RHBDF2: variants seen among roughly 807,000 people sequenced by gnomAD.
RHBDF2 encodes the protein rhomboid 5 homolog 2, also known as inactive rhomboid protein 2.
A neutral mutation model predicts 95.2 loss-of-function variants in RHBDF2; 38 were observed. The observed-to-expected ratio is 0.40, with a 90% CI of 0.31 to 0.52. RHBDF2 has a LOEUF of 0.52. RHBDF2 is among the 20% of genes least tolerant of loss of function. The probability of loss-of-function intolerance (pLI) is 0.56; values close to 1 mark genes in which losing one functional copy is unlikely to be tolerated. For synonymous variants in RHBDF2, 442 were observed against 462.0 expected, an observed-to-expected ratio of 0.96 and a Z score of 0.55; for missense variants, 863 against 1,137.7, an observed-to-expected ratio of 0.76 and a Z score of 3.47.
At chr17:76,498,343 TG>T (rs1486279567) in intron 1 of RHBDF2, among the ~76,000 whole-genome samples, 11 of 152,172 alleles carry the variant, frequency 7.2e-5, no homozygotes, top group African/African-American at 2.7e-4. Flanking sequence ...GAGCTCACTC[TG>T]GAAATCCCCT....
At chr17:76,480,477 C>G (rs1297228495) in intron 3 of RHBDF2, among the ~76,000 whole-genome samples, 1 of 151,842 alleles carries the variant, frequency 6.6e-6, no homozygotes, top group African/African-American at 2.4e-5. Flanking sequence ...CTCGACCTCC[C>G]AGGCTCAAGC....
chr17:76,471,741 C>A lies in RHBDF2; in HGVS notation c.2376G>T (p.Leu792=). 3.1e-6 allele frequency: 5 copies of A among 1,611,202 alleles called. No individual in the cohort carries two copies. The highest frequency in any genetic ancestry group is 3.4e-6 in the Non-Finnish European group (4 of 1,178,790). ...AGTTAATGGGGTAGATGTACAGCCA[C>A]AGCACGAGGGCGGCGAAGAGGCCGG... ...AFAGLFAALV[L]WLYIYPINWP... is the part of the protein sequence containing the mutation. Residue 792 remains leucine, a synonymous_variant, in exon 19 of 19, where the codon CTG becomes CTT. Transcript: ENST00000675367.
At chr17:76,496,137 G>A (rs1034179352) in intron 1 of RHBDF2, among the ~76,000 whole-genome samples, 1 of 152,190 alleles carries the variant, frequency 6.6e-6, no homozygotes, top group Non-Finnish European at 1.5e-5. Flanking sequence ...TGTGAGATGG[G>A]TTGATGCCCC....
chr17:76,481,302 T>C (rs1219558613), intron 3 of RHBDF2, 73 bp downstream of exon 3: 13 of 1,516,114 alleles, frequency 8.6e-6, no homozygotes, highest in African/African-American at 1.4e-5. Context: ...GAAGTGAAAC[T>C]GACCAGAAAG....
At chr17:76,477,550 G>T in intron 7 of RHBDF2, 107 bp downstream of exon 7, 1 of 1,286,634 alleles carries the variant, frequency 7.8e-7, no homozygotes, top group Non-Finnish European at 1.1e-6. Context: ...CCAGCAGTGG[G>T]CCTCTGGGTC....
intron 1 of RHBDF2, among the ~76,000 whole-genome samples, chr17:76,498,049 C>T (rs181226907): frequency 2.2e-4 from 33 of 152,284 alleles, no homozygotes; most frequent in South Asian, 2.1e-4. Flanking sequence ...AAGGAGGGGC[C>T]GTGGACACGG....
chr17:76,495,664 G>C (rs2144445739), intron 1 of RHBDF2, among the ~76,000 whole-genome samples: 1 of 152,264 alleles, frequency 6.6e-6, no homozygotes, highest in African/African-American at 2.4e-5. Flanking sequence ...GGCTGGGTGT[G>C]AGCATGCAGA....
At position 76,477,201 on chromosome 17, in the gene RHBDF2, G is replaced by T. The variant is rs1315609118; in HGVS notation, c.899C>A (p.Pro300His). 8 of 1,610,646 alleles carry T rather than the reference G, an allele frequency of 5.0e-6. No homozygotes were observed. The highest frequency in any genetic ancestry group is 6.8e-6 in the Non-Finnish European group (8 of 1,178,952). The change falls in exon 8 of 19, where the codon CCC (proline) becomes CAC (histidine). Residue 300 changes from proline (P) to histidine (H), a missense_variant. By Grantham distance (77) the Pro-to-His change is moderately conservative. Coordinates refer to ENST00000675367, the MANE Select transcript of RHBDF2 (RefSeq NM_001005498.4). ...GIPHSASPVSPDGVQIPLKEY... is the reference protein window; with the variant it reads ...GIPHSASPVSHDGVQIPLKEY... Reference sequence around the variant, plus strand: ...TCACAGAGGGATTTGCACCCCATCGGGGGAGACAGGGGAGGCTGAGTGTGG... The same window carrying T: ...TCACAGAGGGATTTGCACCCCATCGTGGGAGACAGGGGAGGCTGAGTGTGG...
chr17:76,481,994 CACACACACA>C (rs1380224880), intron 2 of RHBDF2: 1 of 108,208 alleles, frequency 9.2e-6, no homozygotes, highest in African/African-American at 3.5e-5. Flanking sequence ...CACACACACA[CACACACACA>C]AAACCAAAAA....
chr17:76,471,465 A>T lies in RHBDF2; in HGVS notation c.*168T>A. On this transcript the variant is annotated 3_prime_UTR_variant, in exon 19 of 19. Transcript: ENST00000675367. ...CAGAAAAACCCCGCCTTAACCAACC[A>T]TCTCACGCGGAGTCAGCCTCGCCTG... 1 of 719,370 alleles carries T rather than the reference A, an allele frequency of 1.4e-6. No homozygotes were observed. Among genetic ancestry groups the T allele is most frequent in the South Asian group, 2.0e-5 (1 of 49,792 alleles). 44.6% of individuals were successfully genotyped at this position (719,370 alleles called of 1,614,324 possible).
Position 76,471,972 on chromosome 17 carries a change from C to T in RHBDF2, c.2145G>A (p.Arg715=). ...ELFQSWPLLE[R]PWKAFLNLSA... is the part of the protein sequence containing the mutation. ...AGAGGTTGAGGAAGGCCTTCCAGGG[C>T]CTCTCCAGCAGCGGCCAGCTCTGGA... The change falls in exon 19 of 19, where the codon AGG becomes AGA. Residue 715 remains arginine (R), a synonymous_variant. Coordinates refer to ENST00000675367, the MANE Select transcript of RHBDF2 (RefSeq NM_001005498.4). The T allele has an allele frequency of 6.4e-7, 1 of 1,573,750 alleles. No individual in the cohort carries two copies. The highest frequency in any genetic ancestry group is 1.3e-5 in the African/African-American group (1 of 74,386).
In RHBDF2 at chr17:76,477,011, G is replaced by T. The variant is rs778582503; in HGVS notation, c.934C>A (p.Arg312=). 19 of 1,613,508 alleles carry T rather than the reference G, an allele frequency of 1.2e-5. No homozygotes were observed. The highest frequency in any genetic ancestry group is 2.7e-5 in the African/African-American group (2 of 74,958). The change falls in exon 9 of 19, where the codon CGA becomes AGA. Residue 312 remains arginine (R), a synonymous_variant. Coordinates refer to ENST00000675367, the MANE Select transcript of RHBDF2 (RefSeq NM_001005498.4). The part of the protein sequence containing the change: ...GVQIPLKEYG[R]APVPGPRRGK... The stretch of plus-strand genomic sequence containing the variant: ...CGCCGGGGCCCGGGGACTGGGGCTC[G>T]GCCATACTCCTTCCTGGTGGGGATG...
At chr17:76,477,559 T>C in intron 7 of RHBDF2, 98 bp downstream of exon 7, 2 of 1,348,550 alleles carry the variant, frequency 1.5e-6, no homozygotes, top group South Asian at 2.6e-5. Flanking sequence ...GGCCTCTGGG[T>C]CCCTCAGGGG....
At chr17:76,474,256 T>C (rs1295474541) in intron 12 of RHBDF2, 114 bp from the exon 13 acceptor site, 9 of 1,362,554 alleles carry the variant, frequency 6.6e-6, no homozygotes, top group Non-Finnish European at 8.2e-6. Context: ...TCTATGGGGG[T>C]CTGGGAAAGG....
chr17:76,476,843 A>G lies in RHBDF2; in HGVS notation c.1102T>C (p.Phe368Leu), dbSNP rs759893495. 9 of 1,606,626 alleles carry G rather than the reference A, an allele frequency of 5.6e-6. No homozygotes were observed. The African/African-American group carries it at 1.1e-4, about 19-fold the overall frequency. The change falls in exon 9 of 19, where the codon TTC (phenylalanine) becomes CTC (leucine). Residue 368 changes from phenylalanine to leucine, a missense_variant. Transcript: ENST00000675367. ...GCGACACCTCACCGGTGGCTGTCGA[A>G]GCTCTCCAGCTGCCGCTGCACAGTG... Reference protein sequence around the residue: ...SSTVQRQLESFDSHRPYFTYW... With the variant: ...SSTVQRQLESLDSHRPYFTYW...
At chr17:76,495,232 T>C (rs2074403773) in intron 1 of RHBDF2, among the ~76,000 whole-genome samples, 1 of 152,120 alleles carries the variant, frequency 6.6e-6, no homozygotes, top group Admixed American at 6.5e-5. Flanking sequence ...CTGGGGTCTG[T>C]GTGAGAGGTC....
chr17:76,472,565 C>A (rs753927650), intron 18 of RHBDF2, 121 bp downstream of exon 18: 15 of 1,304,974 alleles, frequency 1.1e-5, no homozygotes, highest in Non-Finnish European at 1.6e-5. Context: ...GCTGTCCCTC[C>A]GCTGTGGAGC....
intron 2 of RHBDF2, among the ~76,000 whole-genome samples, chr17:76,484,258 C>T (rs2074056081): frequency 6.6e-6 from 1 of 151,770 alleles, no homozygotes; most frequent in Non-Finnish European, 1.5e-5. Context: ...AGCGAAACTT[C>T]GTCTCAAAAA....
chr17:76,477,814 G>T (rs375561305), intron 6 of RHBDF2, 29 bp from the exon 7 acceptor site: 2 of 1,602,758 alleles, frequency 1.2e-6, no homozygotes, highest in African/African-American at 2.7e-5. Context: ...ACAGCCATCA[G>T]GACCACAGCC....
Sources: allele counts gnomAD v4.1 joint callset (sites outside exome capture counted in the v4.1 genomes callset), GRCh38; gene constraint gnomAD v4.1.1; transcripts MANE v1.5; gene names NCBI Gene and HGNC (gene_info 2026-07-23, HGNC 2026-07-21).